Variants in ZFHX3 observed in about 807,000 individuals in gnomAD.
ZFHX3 encodes the protein zinc finger homeobox 3.
ZFHX3 carries 42 observed loss-of-function variants against 279.1 expected under a neutral mutation model. That is an observed-to-expected ratio of 0.15 (90% CI 0.12 to 0.19). ZFHX3 has a LOEUF of 0.19. ZFHX3 is among the 10% of genes least tolerant of loss of function. The pLI, the probability that ZFHX3 is intolerant of heterozygous loss-of-function variation, is 1.00. For synonymous variants in ZFHX3, 2,293 were observed against 1,957.8 expected (o/e 1.17, Z -4.52); for missense variants, 4,981 against 4,754.0 (o/e 1.05, Z -1.40).
At chr16:73,350,597 A>G (rs1049764197) in intron 3 of ZFHX3, among the ~76,000 whole-genome samples, 3 of 152,206 alleles carry the variant, frequency 2.0e-5, no homozygotes, top group Non-Finnish European at 4.4e-5. Flanking sequence ...GCGAAGACTC[A>G]ACTGAGAGAG....
intron 1 of ZFHX3, among the ~76,000 whole-genome samples, chr16:72,984,370 T>C (rs1259795976): frequency 1.3e-5 from 2 of 152,202 alleles, no homozygotes; most frequent in Non-Finnish European, 2.9e-5. Context: ...CTCATGCCTA[T>C]AATCCCAGTA....
chr16:73,399,189 T>G (rs1046378258), intron 3 of ZFHX3, among the ~76,000 whole-genome samples: 1 of 152,136 alleles, frequency 6.6e-6, no homozygotes, highest in African/African-American at 2.4e-5. Context: ...GCAGTGGATC[T>G]TAAGCAGCCC....
intron 3 of ZFHX3, among the ~76,000 whole-genome samples, chr16:73,363,550 A>AC (rs980028177): frequency 2.7e-5 from 4 of 150,348 alleles, no homozygotes; most frequent in Admixed American, 6.6e-5. Context: ...TGGCACTTTA[A>AC]TTTTTTTTTT....
intron 1 of ZFHX3, among the ~76,000 whole-genome samples, chr16:73,800,361 A>T (rs546188902): frequency 1.3e-5 from 2 of 152,012 alleles, no homozygotes; most frequent in East Asian, 3.9e-4. Flanking sequence ...GGGACTACAG[A>T]TGCACACCAC....
At chr16:73,652,870 C>T (rs1386420515) in intron 2 of ZFHX3, among the ~76,000 whole-genome samples, 1 of 152,020 alleles carries the variant, frequency 6.6e-6, no homozygotes, top group East Asian at 1.9e-4. Flanking sequence ...GCAAATTTAA[C>T]ACTGATTGCA....
chr16:72,873,407 C>T (rs1251619412), intron 4 of ZFHX3, among the ~76,000 whole-genome samples: 1 of 152,164 alleles, frequency 6.6e-6, no homozygotes, highest in African/African-American at 2.4e-5. Flanking sequence ...TGCATTTGCA[C>T]GACTTCCCTT....
chr16:73,288,467 A>C (rs1310500768), intron 4 of ZFHX3, among the ~76,000 whole-genome samples: 1 of 152,204 alleles, frequency 6.6e-6, no homozygotes, highest in Non-Finnish European at 1.5e-5. Context: ...CTGCACTGAT[A>C]GCTGAAGACG....
At chr16:73,275,564 G>C (rs527921458) in intron 4 of ZFHX3, among the ~76,000 whole-genome samples, 2 of 152,124 alleles carry the variant, frequency 1.3e-5, no homozygotes, top group African/African-American at 4.8e-5. Context: ...TTCTGAGTTC[G>C]ATTCCAGACT....
At chr16:73,648,819 T>C (rs59759643) in intron 2 of ZFHX3, among the ~76,000 whole-genome samples, 2,287 of 152,318 alleles carry the variant, frequency 0.015, 48 homozygotes, top group African/African-American at 0.052. Context: ...TAAAAATATC[T>C]TAATTTCTCT....
chr16:73,637,950 C>A (rs1292164778), intron 2 of ZFHX3, among the ~76,000 whole-genome samples: 1 of 152,054 alleles, frequency 6.6e-6, no homozygotes. Context: ...TAAATAAAGG[C>A]TTGAAAATAA....
chr16:73,631,069 G>C (rs1488851972), intron 2 of ZFHX3, among the ~76,000 whole-genome samples: 1 of 152,178 alleles, frequency 6.6e-6, no homozygotes, highest in Non-Finnish European at 1.5e-5. Flanking sequence ...GAAACCACAG[G>C]CCTGATTCCT....
At chr16:73,563,779 T>A (rs1039694972) in intron 2 of ZFHX3, among the ~76,000 whole-genome samples, 1 of 152,192 alleles carries the variant, frequency 6.6e-6, no homozygotes, top group African/African-American at 2.4e-5. Flanking sequence ...TTAGAACATT[T>A]TGTTTTGGAG....
intron 2 of ZFHX3, among the ~76,000 whole-genome samples, chr16:73,526,761 G>T (rs1199642026): frequency 6.6e-6 from 1 of 152,106 alleles, no homozygotes; most frequent in African/African-American, 2.4e-5. Context: ...TCTAGCAATT[G>T]CTCTTTAATA....
chr16:73,667,196 T>A (rs2052851764), intron 2 of ZFHX3, among the ~76,000 whole-genome samples: 1 of 152,072 alleles, frequency 6.6e-6, no homozygotes, highest in Non-Finnish European at 1.5e-5. Context: ...TTTGCCATGT[T>A]GCCCAGACTG....
chr16:73,441,436 T>A (rs1406396875), intron 3 of ZFHX3, among the ~76,000 whole-genome samples: 1 of 152,126 alleles, frequency 6.6e-6, no homozygotes, highest in African/African-American at 2.4e-5. Flanking sequence ...ATGTGCTGTA[T>A]CCTTTGGTAA....
chr16:73,454,714 A>G (rs1053914590), intron 3 of ZFHX3, among the ~76,000 whole-genome samples: 1 of 152,096 alleles, frequency 6.6e-6, no homozygotes, highest in African/African-American at 2.4e-5. Context: ...CCCACCCAAT[A>G]AAGAGTGTGT....
intron 2 of ZFHX3, among the ~76,000 whole-genome samples, chr16:73,574,102 C>T (rs1484357471): frequency 6.6e-6 from 1 of 152,028 alleles, no homozygotes. Flanking sequence ...TCCAGGGAAA[C>T]TTTAAGACTT....
intron 2 of ZFHX3, among the ~76,000 whole-genome samples, chr16:73,566,842 G>A (rs1232077191): frequency 6.6e-6 from 1 of 152,060 alleles, no homozygotes; most frequent in Non-Finnish European, 1.5e-5. Flanking sequence ...GGGATTACAG[G>A]CACATGCCAC....
chr16:73,409,268 G>A (rs918966966), intron 3 of ZFHX3, among the ~76,000 whole-genome samples: 1 of 152,182 alleles, frequency 6.6e-6, no homozygotes, highest in African/African-American at 2.4e-5. Flanking sequence ...TCTCAGCAAG[G>A]AGAAGAGATA....
Sources: allele counts gnomAD v4.1 joint callset (sites outside exome capture counted in the v4.1 genomes callset), GRCh38; gene constraint gnomAD v4.1.1; transcripts MANE v1.5; gene names NCBI Gene and HGNC (gene_info 2026-07-23, HGNC 2026-07-21).